SYN3: variants seen among roughly 807,000 people sequenced by gnomAD.
SYN3 encodes synapsin III, also known as synapsin-3.
A neutral mutation model predicts 65.8 loss-of-function variants in SYN3; 35 were observed. The observed-to-expected ratio is 0.53, with a 90% CI of 0.41 to 0.70. SYN3 has a LOEUF of 0.70. Ranked by LOEUF, SYN3 falls within the 30% of genes least tolerant of loss-of-function variation. The pLI is 0.00. For synonymous variants in SYN3, 270 were observed against 292.9 expected (o/e 0.92, Z 0.80); for missense variants, 680 against 749.0 (o/e 0.91, Z 1.08).
intron 6 of SYN3, among the ~76,000 whole-genome samples, chr22:32,784,355 T>C (rs1352200420): frequency 6.6e-6 from 1 of 152,224 alleles, no homozygotes; most frequent in East Asian, 1.9e-4. Context: ...TTTTTCCTGC[T>C]GGCTTTGAAG....
chr22:32,869,690 GT>G (rs748620876), intron 4 of SYN3, among the ~76,000 whole-genome samples: 19,041 of 114,230 alleles, frequency 0.17, 1,512 homozygotes, highest in East Asian at 0.34. Flanking sequence ...ACACATCTTG[GT>G]TTTTTTTTTT....
chr22:32,813,957 T>C (rs1044731591), intron 6 of SYN3, among the ~76,000 whole-genome samples: 5 of 152,162 alleles, frequency 3.3e-5, no homozygotes, highest in Admixed American at 1.3e-4. Context: ...CATCATATTA[T>C]TACTACATGG....
At chr22:32,991,243 CAGG>C (rs2052704771) in intron 2 of SYN3, among the ~76,000 whole-genome samples, 1 of 150,836 alleles carries the variant, frequency 6.6e-6, no homozygotes, top group African/African-American at 2.4e-5. Context: ...GAAGCTGAGG[CAGG>C]AGAATAGCTT....
intron 1 of SYN3, among the ~76,000 whole-genome samples, chr22:33,041,788 G>A (rs2053968893): frequency 6.6e-6 from 1 of 152,034 alleles, no homozygotes; most frequent in Non-Finnish European, 1.5e-5. Flanking sequence ...GGATTAATGA[G>A]CTCCAAGCAT....
At position 32,954,057 on chromosome 22, in the gene SYN3, C is replaced by T. The variant is rs1005762011; in HGVS notation, c.370-22576G>A. 2.6e-5 allele frequency among the ~76,000 whole-genome samples: 4 copies of T among 152,140 alleles called. No homozygotes were observed. In the East Asian group the frequency reaches 7.7e-4, roughly 29 times the overall value. On this transcript the variant is annotated intron_variant, in intron 3 of 13. Transcript: ENST00000358763. Reference sequence around the variant, plus strand: ...TGCCCTAATTCTGTCCTGATAGTCGCCCCTTCCTGCTCAGGGTTCCTGAGA... The same window carrying T: ...TGCCCTAATTCTGTCCTGATAGTCGTCCCTTCCTGCTCAGGGTTCCTGAGA...
chr22:32,641,331 G>A (rs1232649515), intron 6 of SYN3, among the ~76,000 whole-genome samples: 1 of 152,114 alleles, frequency 6.6e-6, no homozygotes, highest in Non-Finnish European at 1.5e-5. Flanking sequence ...TTCTGGGGCC[G>A]GGCGCGGTGG....
chr22:32,534,139 G>A (rs1464454187), intron 9 of SYN3, among the ~76,000 whole-genome samples: 2 of 152,132 alleles, frequency 1.3e-5, no homozygotes, highest in East Asian at 3.9e-4. Context: ...GTGAGAGAGA[G>A]ACCCAGAGAA....
intron 7 of SYN3, among the ~76,000 whole-genome samples, chr22:32,592,393 C>T (rs2059140321): frequency 6.6e-6 from 1 of 152,214 alleles, no homozygotes; most frequent in Admixed American, 6.5e-5. Context: ...TTATGGTATC[C>T]CCATGAATAC....
intron 4 of SYN3, among the ~76,000 whole-genome samples, chr22:32,920,827 G>C (rs537765906): frequency 1.3e-5 from 2 of 152,224 alleles, no homozygotes; most frequent in East Asian, 3.9e-4. Flanking sequence ...TGAGGCCCCA[G>C]CAGGAGACTG....
In SYN3 at chr22:32,512,652, G is replaced by T. The variant is rs972510233; in HGVS notation, c.*1040C>A. ...TCCAAAAAAAGAAATACAAACAGCG[G>T]TTCCTAAACATATTTGGCCATGGGG... On this transcript the variant is annotated 3_prime_UTR_variant, in exon 14 of 14. Transcript: ENST00000358763. 6.6e-6 allele frequency: 1 copy of T among 152,246 alleles called. No homozygotes were observed. The highest frequency in any genetic ancestry group is 1.5e-5 in the Non-Finnish European group (1 of 68,046). The allele number at this position is 152,246 out of a possible 1,614,324, so 9.4% of individuals were successfully genotyped here. A position where few individuals can be genotyped will look rare whatever the true frequency, so the allele number is the denominator to read the frequency against.
intron 4 of SYN3, 120 bp from the exon 5 acceptor site, chr22:32,869,245 G>A (rs138284120): frequency 2.9e-6 from 3 of 1,027,094 alleles, no homozygotes; most frequent in Non-Finnish European, 4.3e-6. Context: ...GTTCAGAAGT[G>A]GGAGCAGGTG....
intron 6 of SYN3, among the ~76,000 whole-genome samples, chr22:32,691,297 T>C (rs1023897952): frequency 8.9e-4 from 136 of 152,238 alleles, no homozygotes; most frequent in African/African-American, 3.2e-3. Flanking sequence ...GCCAACAGGA[T>C]GCCACCCATG....
At chr22:32,806,459 T>A (rs549193594) in intron 6 of SYN3, among the ~76,000 whole-genome samples, 4 of 152,316 alleles carry the variant, frequency 2.6e-5, no homozygotes, top group Non-Finnish European at 5.9e-5. Flanking sequence ...CCAGCCAGTA[T>A]GGACAAGGAG....
At chr22:32,601,814 T>C (rs1481560795) in intron 6 of SYN3, among the ~76,000 whole-genome samples, 3 of 152,174 alleles carry the variant, frequency 2.0e-5, no homozygotes, top group Non-Finnish European at 4.4e-5. Flanking sequence ...GGATTTGTGC[T>C]AGTGGTGACT....
At chr22:32,959,296 T>C (rs1368522973) in intron 3 of SYN3, among the ~76,000 whole-genome samples, 3 of 152,056 alleles carry the variant, frequency 2.0e-5, no homozygotes, top group Admixed American at 6.5e-5. Context: ...TCCATCATGA[T>C]TGTGAGGCTT....
intron 7 of SYN3, among the ~76,000 whole-genome samples, chr22:32,557,941 TTC>T (rs2058527028): frequency 6.6e-6 from 1 of 152,248 alleles, no homozygotes; most frequent in South Asian, 2.1e-4. Flanking sequence ...CAGAAGTTTT[TTC>T]TCTGATAGTT....
At chr22:32,744,845 C>T (rs2044878356) in intron 6 of SYN3, among the ~76,000 whole-genome samples, 2 of 152,142 alleles carry the variant, frequency 1.3e-5, no homozygotes, top group Admixed American at 6.5e-5. Context: ...AGGGCAGACC[C>T]AGGCAGAAAA....
chr22:32,639,217 T>C (rs1227667237), intron 6 of SYN3, among the ~76,000 whole-genome samples: 1 of 152,208 alleles, frequency 6.6e-6, no homozygotes, highest in Non-Finnish European at 1.5e-5. Context: ...CCTCCCAAAG[T>C]GCTGGGATTA....
At chr22:32,527,750 C>G in intron 12 of SYN3, 168 bp downstream of exon 12, 2 of 585,952 alleles carry the variant, frequency 3.4e-6, no homozygotes, top group Non-Finnish European at 5.9e-6. Context: ...CTTCTCCTTT[C>G]TTGACTTTTT....
Sources: allele counts gnomAD v4.1 joint callset (sites outside exome capture counted in the v4.1 genomes callset), GRCh38; gene constraint gnomAD v4.1.1; transcripts MANE v1.5; gene names NCBI Gene and HGNC (gene_info 2026-07-23, HGNC 2026-07-21).